Variants in LRCH2 observed in about 807,000 individuals in gnomAD.
The protein encoded by LRCH2 is leucine-rich repeat and calponin homology domain-containing protein 2.
A neutral mutation model predicts 68.9 loss-of-function variants in LRCH2; 38 were observed. The ratio of observed to expected loss-of-function variants is 0.55; its 90% CI spans 0.43 to 0.72. LRCH2 has a LOEUF of 0.72. LRCH2 is among the 30% of genes least tolerant of loss of function. LRCH2 has a pLI of 0.00. For synonymous variants in LRCH2, 191 were observed against 208.1 expected, an observed-to-expected ratio of 0.92 and a Z score of 0.71; for missense variants, 528 against 572.9, an observed-to-expected ratio of 0.92 and a Z score of 0.80.
At chrX:115,167,735 A>T (rs782012051) in intron 6 of LRCH2, among the ~76,000 whole-genome samples, 1 of 111,961 alleles carries the variant, frequency 8.9e-6, no homozygotes, top group Non-Finnish European at 1.9e-5. Flanking sequence ...ACTAATTGCT[A>T]GGCACACATT....
At chrX:115,147,587 C>A (rs2072396642) in intron 14 of LRCH2, among the ~76,000 whole-genome samples, 1 of 110,889 alleles carries the variant, frequency 9.0e-6, no homozygotes, top group African/African-American at 3.3e-5. Context: ...AACTTTATAA[C>A]ATAACTAATA....
chrX:115,181,704 A>G (rs904281182), intron 3 of LRCH2, among the ~76,000 whole-genome samples: 6 of 112,530 alleles, frequency 5.3e-5, no homozygotes, highest in Non-Finnish European at 1.1e-4. Flanking sequence ...ACTGTCAATT[A>G]GCCCTCCTAA....
At chrX:115,157,385 G>A (rs1386132984) in intron 11 of LRCH2, among the ~76,000 whole-genome samples, 1 of 109,704 alleles carries the variant, frequency 9.1e-6, no homozygotes, top group African/African-American at 3.3e-5. Context: ...ATCTCCAGAC[G>A]TCAACTGCCA....
intron 10 of LRCH2, among the ~76,000 whole-genome samples, chrX:115,164,664 T>C (rs1446487687): frequency 9.0e-6 from 1 of 111,404 alleles, no homozygotes; most frequent in Non-Finnish European, 1.9e-5. Flanking sequence ...CTAAGTGGTT[T>C]TAGGCATAAA....
At chrX:115,170,073 A>G (rs1035102441) in intron 6 of LRCH2, among the ~76,000 whole-genome samples, 4 of 111,753 alleles carry the variant, frequency 3.6e-5, no homozygotes, top group Non-Finnish European at 5.7e-5. Flanking sequence ...AATGTCAAAC[A>G]TTTACATTTT....
intron 2 of LRCH2, among the ~76,000 whole-genome samples, chrX:115,186,930 T>C (rs1264412244): frequency 3.7e-5 from 4 of 107,620 alleles, no homozygotes; most frequent in African/African-American, 6.8e-5. Context: ...ATCATTCTCC[T>C]GCCTCAGCCT....
rs782627946 is a variant in LRCH2 at position 115,166,315 on chromosome X, A to G, written c.1026T>C (p.Asn342=). The G allele has an allele frequency of 8.4e-5, 100 of 1,188,558 alleles. No individual in the cohort carries two copies. Among genetic ancestry groups the G allele is most frequent in the Non-Finnish European group, 1.1e-4 (97 of 879,001 alleles). The change falls in exon 7 of 21, where the codon AAT becomes AAC. Residue 342 remains asparagine, a synonymous_variant. Coordinates refer to ENST00000317135, the MANE Select transcript of LRCH2 (RefSeq NM_020871.4). ...DSMEDFYPNK[N]HGPDSGIGSD... is the part of the protein sequence containing the mutation. Reference sequence around the variant, plus strand: ...TTCCAATTCCAGAGTCAGGGCCATGATTTTTATTTGGATAAAAATCTTCCA... The same window carrying G: ...TTCCAATTCCAGAGTCAGGGCCATGGTTTTTATTTGGATAAAAATCTTCCA...
At chrX:115,118,103 T>A (rs2072099526) in intron 20 of LRCH2, among the ~76,000 whole-genome samples, 1 of 110,289 alleles carries the variant, frequency 9.1e-6, no homozygotes, top group South Asian at 3.8e-4. Context: ...ATGCTTGTAA[T>A]CCCAGTTATT....
At chrX:115,190,612 G>A (rs1358779076) in intron 1 of LRCH2, 1 of 211,218 alleles carries the variant, frequency 4.7e-6, no homozygotes, top group Non-Finnish European at 7.5e-6. Context: ...CTGCTACGAG[G>A]AGTACAGAGG....
intron 11 of LRCH2, among the ~76,000 whole-genome samples, chrX:115,163,323 GTTA>G (rs1389531672): frequency 1.8e-5 from 2 of 111,364 alleles, no homozygotes; most frequent in African/African-American, 6.5e-5. Flanking sequence ...AAATAAATCA[GTTA>G]TTATGATTCA....
At chrX:115,195,550 C>T (rs2072881125) in intron 1 of LRCH2, among the ~76,000 whole-genome samples, 1 of 110,560 alleles carries the variant, frequency 9.0e-6, no homozygotes, top group Non-Finnish European at 1.9e-5. Context: ...ACATTTCCAG[C>T]ACACCTCATC....
chrX:115,148,733 T>C (rs1183349038), intron 14 of LRCH2, among the ~76,000 whole-genome samples: 1 of 111,820 alleles, frequency 8.9e-6, no homozygotes, highest in Non-Finnish European at 1.9e-5. Context: ...ACTTAGAATG[T>C]CCTTCCCTTT....
intron 3 of LRCH2, among the ~76,000 whole-genome samples, chrX:115,182,005 C>T (rs1256510670): frequency 9.0e-6 from 1 of 110,964 alleles, no homozygotes; most frequent in African/African-American, 3.3e-5. Context: ...AGCATTTACA[C>T]TGTATTAGGT....
intron 14 of LRCH2, 58 bp from the exon 15 acceptor site, chrX:115,130,257 A>C (rs935911982): frequency 3.3e-6 from 2 of 602,424 alleles, no homozygotes; most frequent in Admixed American, 4.6e-5. Context: ...ATTCTCTACT[A>C]GTAAATTATG....
At chrX:115,119,706 C>G (rs1354327570) in intron 20 of LRCH2, among the ~76,000 whole-genome samples, 9 of 79,009 alleles carry the variant, frequency 1.1e-4, no homozygotes, top group Non-Finnish European at 7.2e-5. Context: ...GAGCCCGCAT[C>G]GCCAAGTCAA....
chrX:115,141,626 G>A (rs2072339338), intron 14 of LRCH2, among the ~76,000 whole-genome samples: 1 of 110,343 alleles, frequency 9.1e-6, no homozygotes, highest in African/African-American at 3.3e-5. Context: ...ATGTTGGGGT[G>A]AGGCCGAGGG....
intron 1 of LRCH2, among the ~76,000 whole-genome samples, chrX:115,209,332 T>C (rs923357971): frequency 3.7e-4 from 41 of 112,040 alleles, no homozygotes; most frequent in African/African-American, 1.1e-3. Flanking sequence ...TGGGAGTTAA[T>C]TGAATCACAG....
intron 11 of LRCH2, among the ~76,000 whole-genome samples, chrX:115,159,766 A>T (rs1556540905): frequency 1.0e-5 from 1 of 99,531 alleles, no homozygotes; most frequent in African/African-American, 3.6e-5. Context: ...AAAAAAAAAA[A>T]TTCAACAATA....
rs1000843178 is a variant in LRCH2 at position 115,189,944 on chromosome X, C to G, written c.350-1574G>C. On this transcript the variant is annotated intron_variant, in intron 1 of 20. Coordinates refer to ENST00000317135, the MANE Select transcript of LRCH2 (RefSeq NM_020871.4). ...CCACCCCACAAGAGGGCCACGCCGT[C>G]GAGCCTGGCTCACAGCGTTGGCTGT... 6.9e-6 allele frequency: 8 copies of G among 1,159,402 alleles called. No individual in the cohort carries two copies. The Admixed American group carries it at 1.6e-4, about 23-fold the overall frequency.
Sources: gnomAD v4.1 joint callset for allele counts (sites outside exome capture counted in the v4.1 genomes callset) on GRCh38, gnomAD v4.1.1 for gene constraint, MANE v1.5 for transcripts, NCBI Gene and HGNC (gene_info 2026-07-23, HGNC 2026-07-21) for gene names.